Variants in SBF2 observed in about 807,000 individuals in gnomAD.
SBF2 encodes myotubularin-related protein 13.
A neutral mutation model predicts 225.2 loss-of-function variants in SBF2; 112 were observed. The ratio of observed to expected loss-of-function variants is 0.50; its 90% CI spans 0.43 to 0.58. The LOEUF is 0.58. Among genes scored for constraint, SBF2 ranks in the 20% least tolerant of loss-of-function variants. The pLI, the probability that SBF2 is intolerant of heterozygous loss-of-function variation, is 0.00. For missense variants in SBF2, 1,996 were observed against 2,206.2 expected (o/e 0.90, Z 1.91); for synonymous variants, 763 against 773.3 (o/e 0.99, Z 0.22).
chr11:10,088,025 A>AT lies in SBF2; in HGVS notation c.142-45045dup, dbSNP rs751589524. On this transcript the variant is annotated intron_variant, in intron 2 of 39. Coordinates refer to ENST00000256190, the MANE Select transcript of SBF2 (RefSeq NM_030962.4). Reference sequence around the variant, plus strand: ...AGTGTCATTTCCTTTGCAAACTTTAATTTTTTTTTTTTTTTCCAGACAAGG... The same window carrying AT: ...AGTGTCATTTCCTTTGCAAACTTTAATTTTTTTTTTTTTTTTCCAGACAAGG... 9.7e-3 allele frequency among the ~76,000 whole-genome samples: 1,377 copies of AT among 141,554 alleles called. 11 individuals carry two copies. The highest frequency in any genetic ancestry group is 0.022 in the African/African-American group (864 of 38,776). 92.9% of individuals were successfully genotyped at this position (141,554 alleles called of 152,430 possible). A position where few individuals can be genotyped will look rare whatever the true frequency, so the allele number is the denominator to read the frequency against.
At chr11:9,849,352 C>T (rs1856765828) in intron 22 of SBF2, among the ~76,000 whole-genome samples, 1 of 152,028 alleles carries the variant, frequency 6.6e-6, no homozygotes, top group African/African-American at 2.4e-5. Context: ...GTTGTTTTGC[C>T]CAAAGTCTTA....
intron 2 of SBF2, among the ~76,000 whole-genome samples, chr11:10,170,990 G>C (rs914001613): frequency 6.6e-6 from 1 of 151,954 alleles, no homozygotes; most frequent in South Asian, 2.1e-4. Flanking sequence ...TGCTAACTTT[G>C]TATCCTGCAG....
intron 26 of SBF2, 81 bp from the exon 27 acceptor site, chr11:9,832,501 A>G: frequency 2.1e-6 from 2 of 964,454 alleles, no homozygotes; most frequent in Non-Finnish European, 3.3e-6. Context: ...ATGAGAGAAG[A>G]GGGAGACAGA....
At chr11:10,220,315 T>A (rs1387826158) in intron 1 of SBF2, among the ~76,000 whole-genome samples, 1 of 151,942 alleles carries the variant, frequency 6.6e-6, no homozygotes, top group Non-Finnish European at 1.5e-5. Flanking sequence ...GATTCAATTA[T>A]CTCCCACCGG....
intron 13 of SBF2, among the ~76,000 whole-genome samples, chr11:9,989,039 A>AATATATATATATATATATAT (rs144940762): frequency 1.4e-5 from 2 of 138,794 alleles, no homozygotes; most frequent in Admixed American, 7.1e-5. Flanking sequence ...AACTGTGCCA[A>AATATATATATATATATATAT]ATATATATAT....
upstream of SBF2, among the ~76,000 whole-genome samples, chr11:10,298,954 C>A (rs1283686618): frequency 1.3e-5 from 2 of 152,122 alleles, no homozygotes; most frequent in African/African-American, 4.8e-5. Flanking sequence ...GGTTATTGAA[C>A]CTGTCTCAAA....
intron 6 of SBF2, among the ~76,000 whole-genome samples, chr11:10,024,906 G>A (rs995655415): frequency 2.6e-5 from 4 of 152,086 alleles, no homozygotes; most frequent in Non-Finnish European, 4.4e-5. Context: ...TGTCACGGAG[G>A]GAGGGCTGGA....
intron 2 of SBF2, among the ~76,000 whole-genome samples, chr11:10,117,966 C>G (rs773751701): frequency 6.6e-6 from 1 of 152,156 alleles, no homozygotes; most frequent in Non-Finnish European, 1.5e-5. Context: ...GTTTCTATGT[C>G]ATTCTGCATC....
chr11:9,860,222 A>G (rs1410267837), intron 17 of SBF2, among the ~76,000 whole-genome samples: 12 of 150,608 alleles, frequency 8.0e-5, no homozygotes, highest in Non-Finnish European at 1.6e-4. Flanking sequence ...AAGGACCAAC[A>G]ATTGTTTCAG....
intron 16 of SBF2, among the ~76,000 whole-genome samples, chr11:9,952,530 CG>C (rs1256344311): frequency 6.6e-6 from 1 of 152,128 alleles, no homozygotes; most frequent in Admixed American, 6.6e-5. Context: ...AAGGCTTTCT[CG>C]GGTCTGCTAA....
chr11:9,996,988 T>C (rs1947731741), intron 9 of SBF2, among the ~76,000 whole-genome samples: 1 of 152,192 alleles, frequency 6.6e-6, no homozygotes, highest in Non-Finnish European at 1.5e-5. Context: ...TATCCCACAC[T>C]AGTGTCTTTT....
chr11:10,242,151 T>C (rs1163268445), intron 1 of SBF2, among the ~76,000 whole-genome samples: 1 of 151,858 alleles, frequency 6.6e-6, no homozygotes, highest in Non-Finnish European at 1.5e-5. Flanking sequence ...ATTTAAAAAA[T>C]AAAAACTACC....
At chr11:9,857,034 G>A (rs1016364334) in intron 18 of SBF2, among the ~76,000 whole-genome samples, 2 of 152,112 alleles carry the variant, frequency 1.3e-5, no homozygotes, top group African/African-American at 4.8e-5. Context: ...TGATCAGCCC[G>A]CCTCGGCCTC....
intron 2 of SBF2, among the ~76,000 whole-genome samples, chr11:10,103,416 T>A (rs1952400456): frequency 6.6e-6 from 1 of 152,200 alleles, no homozygotes; most frequent in African/African-American, 2.4e-5. Context: ...TGTGTAAATG[T>A]GTTATTGGTA....
chr11:10,183,968 T>A (rs1390408625), intron 2 of SBF2, among the ~76,000 whole-genome samples: 1 of 152,186 alleles, frequency 6.6e-6, no homozygotes, highest in African/African-American at 2.4e-5. Flanking sequence ...TAGTGTATAT[T>A]TTCAAAAACT....
chr11:10,137,763 T>C (rs749013855), intron 2 of SBF2, among the ~76,000 whole-genome samples: 4 of 152,116 alleles, frequency 2.6e-5, no homozygotes, highest in Non-Finnish European at 4.4e-5. Context: ...TCCCAGCACT[T>C]TGGGAGGCCG....
intron 2 of SBF2, among the ~76,000 whole-genome samples, chr11:10,177,284 G>C (rs1053659385): frequency 0.014 from 2,155 of 149,766 alleles, 45 homozygotes; most frequent in African/African-American, 0.037. Context: ...ACAGGCACAA[G>C]ACAGGGATGC....
intron 14 of SBF2, among the ~76,000 whole-genome samples, chr11:9,967,969 CTCTATATATA>C (rs1435481108): frequency 2.7e-4 from 24 of 87,430 alleles, no homozygotes; most frequent in South Asian, 3.6e-4. Context: ...CTCTCTCTCT[CTCTATATATA>C]TATATATATA....
intron 2 of SBF2, among the ~76,000 whole-genome samples, chr11:10,060,563 G>A (rs1303123833): frequency 6.6e-6 from 1 of 152,058 alleles, no homozygotes; most frequent in Non-Finnish European, 1.5e-5. Context: ...CCTAAACTTG[G>A]CAGAGACACA....
Sources: gnomAD v4.1 joint callset for allele counts (sites outside exome capture counted in the v4.1 genomes callset) on GRCh38, gnomAD v4.1.1 for gene constraint, MANE v1.5 for transcripts, NCBI Gene and HGNC (gene_info 2026-07-23, HGNC 2026-07-21) for gene names.